The following PPARGC1A variants were observed in gnomAD, a reference collection of about 807,000 sequenced individuals.
The protein encoded by PPARGC1A is PPARG coactivator 1 alpha, also known as peroxisome proliferator-activated receptor gamma coactivator 1-alpha.
PPARGC1A carries 25 observed loss-of-function variants against 88.7 expected under a neutral mutation model. That is an observed-to-expected ratio of 0.28 (90% CI 0.21 to 0.39). The LOEUF (loss-of-function observed/expected upper bound fraction) is 0.39, where lower values mean the gene tolerates loss of function less well. Ranked by LOEUF, PPARGC1A falls within the 10% of genes least tolerant of loss-of-function variation. The pLI, the probability that PPARGC1A is intolerant of heterozygous loss-of-function variation, is 1.00. For synonymous variants in PPARGC1A, 363 were observed against 355.6 expected (o/e 1.02, Z -0.24); for missense variants, 880 against 968.7 (o/e 0.91, Z 1.22).
At chr4:24,088,805 A>G in the PPARGC1A span, among the ~76,000 whole-genome samples, 1 of 152,130 alleles carries the variant, frequency 6.6e-6, no homozygotes, top group African/African-American at 2.4e-5. Flanking sequence ...ATTCCATGGG[A>G]TAAATAATGA....
intron 2 of PPARGC1A, among the ~76,000 whole-genome samples, chr4:23,862,309 G>T (rs1287827486): frequency 1.3e-5 from 2 of 152,184 alleles, no homozygotes; most frequent in Non-Finnish European, 2.9e-5. Flanking sequence ...AATTTGAGAG[G>T]TTCCTGTGAT....
chr4:23,796,186 G>A (rs1717567546), intron 12 of PPARGC1A, among the ~76,000 whole-genome samples: 1 of 152,000 alleles, frequency 6.6e-6, no homozygotes, highest in Non-Finnish European at 1.5e-5. Context: ...TATATCTCTG[G>A]CAGATAACCA....
the PPARGC1A span, among the ~76,000 whole-genome samples, chr4:23,933,367 G>T: frequency 1.3e-5 from 2 of 152,182 alleles, no homozygotes; most frequent in Admixed American, 6.5e-5. Context: ...TCTGATGCCT[G>T]GTAAGTTATA....
At chr4:24,251,314 G>A in the PPARGC1A span, among the ~76,000 whole-genome samples, 3 of 152,140 alleles carry the variant, frequency 2.0e-5, no homozygotes, top group Non-Finnish European at 4.4e-5. Context: ...ACTTCATAGA[G>A]TCACTATGAA....
At chr4:24,224,761 G>T in the PPARGC1A span, among the ~76,000 whole-genome samples, 3 of 152,280 alleles carry the variant, frequency 2.0e-5, no homozygotes, top group African/African-American at 7.2e-5. Context: ...CATGATGCAA[G>T]CCATGGAGAA....
the PPARGC1A span, among the ~76,000 whole-genome samples, chr4:23,950,564 C>CA: frequency 0.023 from 3,473 of 152,214 alleles, 45 homozygotes; most frequent in Non-Finnish European, 0.036. Flanking sequence ...TACCAGGGTT[C>CA]AAATCCAGCT....
At chr4:23,895,624 A>T (rs1345836735) in intron 1 of PPARGC1A, among the ~76,000 whole-genome samples, 1 of 152,100 alleles carries the variant, frequency 6.6e-6, no homozygotes, top group African/African-American at 2.4e-5. Context: ...TCCTTAACCA[A>T]GACGACCGCT....
At chr4:23,956,603 A>C in the PPARGC1A span, among the ~76,000 whole-genome samples, 1 of 152,118 alleles carries the variant, frequency 6.6e-6, no homozygotes, top group South Asian at 2.1e-4. Flanking sequence ...CATATTCTCC[A>C]AACAGGTCAC....
At chr4:24,136,004 T>C in the PPARGC1A span, among the ~76,000 whole-genome samples, 1 of 152,176 alleles carries the variant, frequency 6.6e-6, no homozygotes, top group Non-Finnish European at 1.5e-5. Flanking sequence ...GGGGGTACGC[T>C]TCCTCCCTGA....
At chr4:23,915,218 C>A in the PPARGC1A span, among the ~76,000 whole-genome samples, 1 of 151,932 alleles carries the variant, frequency 6.6e-6, no homozygotes, top group Non-Finnish European at 1.5e-5. Context: ...GCACATAAAA[C>A]AAGGCAATAG....
the PPARGC1A span, among the ~76,000 whole-genome samples, chr4:24,157,812 G>A: frequency 6.6e-6 from 1 of 151,592 alleles, no homozygotes; most frequent in Admixed American, 6.6e-5. Context: ...CTTCTAACTG[G>A]TCTCCCTGCT....
chr4:24,094,706 G>T, the PPARGC1A span, among the ~76,000 whole-genome samples: 3 of 152,016 alleles, frequency 2.0e-5, no homozygotes, highest in African/African-American at 7.2e-5. Flanking sequence ...AACAAAGTAC[G>T]TGTCTCCAAA....
At chr4:24,037,621 G>A in the PPARGC1A span, among the ~76,000 whole-genome samples, 1 of 152,158 alleles carries the variant, frequency 6.6e-6, no homozygotes, top group African/African-American at 2.4e-5. Flanking sequence ...CTTGTTGAAT[G>A]TTTGCATTCA....
At chr4:24,228,684 G>T in the PPARGC1A span, among the ~76,000 whole-genome samples, 2 of 152,146 alleles carry the variant, frequency 1.3e-5, no homozygotes, top group Non-Finnish European at 2.9e-5. Context: ...CCCAGGTAGG[G>T]AATAAAGGTA....
chr4:24,241,900 C>T, the PPARGC1A span, among the ~76,000 whole-genome samples: 1 of 152,206 alleles, frequency 6.6e-6, no homozygotes, highest in Non-Finnish European at 1.5e-5. Context: ...AATATTTTAT[C>T]CCTGTCGTTT....
rs1721413156 is a variant in PPARGC1A at position 23,813,861 on chromosome 4, G to C, written c.1622C>G (p.Ser541Cys). The change falls in exon 8 of 13, where the codon TCT (serine) becomes TGT (cysteine). Residue 541 changes from serine (S) to cysteine (C), a missense_variant. Ser to Cys is a moderately radical substitution (Grantham distance 112). Coordinates refer to ENST00000264867, the MANE Select transcript of PPARGC1A (RefSeq NM_013261.5). Reference sequence around the variant, plus strand: ...ATCTCTACATGGAGAGTTAAAAGAAGAACAAGAAGGAGACACATTGAACAA... The same window carrying C: ...ATCTCTACATGGAGAGTTAAAAGAACAACAAGAAGGAGACACATTGAACAA... ...YSLFNVSPSCSSFNSPCRDSV... is the reference protein window; with the variant it reads ...YSLFNVSPSCCSFNSPCRDSV... 3 of 1,614,030 alleles carry C rather than the reference G, an allele frequency of 1.9e-6. No homozygotes were observed. The highest frequency in any genetic ancestry group is 2.5e-6 in the Non-Finnish European group (3 of 1,179,942).
intron 10 of PPARGC1A, among the ~76,000 whole-genome samples, chr4:23,807,663 T>C (rs1038321250): frequency 7.2e-5 from 11 of 152,176 alleles, no homozygotes; most frequent in African/African-American, 2.7e-4. Context: ...ATATCCTTGA[T>C]ACCATCATCA....
chr4:23,868,146 A>G (rs990572061), intron 2 of PPARGC1A, among the ~76,000 whole-genome samples: 47 of 152,100 alleles, frequency 3.1e-4, no homozygotes, highest in African/African-American at 1.1e-3. Context: ...CGGGGAGAGA[A>G]GAGTAAATGC....
At chr4:24,283,235 CT>C in the PPARGC1A span, among the ~76,000 whole-genome samples, 4 of 152,140 alleles carry the variant, frequency 2.6e-5, no homozygotes, top group Non-Finnish European at 4.4e-5. Flanking sequence ...CTGTCAGTTA[CT>C]TTTCCACCCT....
Sources: allele counts gnomAD v4.1 joint callset (sites outside exome capture counted in the v4.1 genomes callset), GRCh38; gene constraint gnomAD v4.1.1; transcripts MANE v1.5; gene names NCBI Gene and HGNC (gene_info 2026-07-23, HGNC 2026-07-21).